PITPNC1: variants seen among roughly 807,000 people sequenced by gnomAD.
PITPNC1 encodes the protein phosphatidylinositol transfer protein cytoplasmic 1, also known as cytoplasmic phosphatidylinositol transfer protein 1.
Under a neutral mutation model 44.7 loss-of-function variants are expected in PITPNC1, and 18 were observed. The observed-to-expected ratio is 0.40, with a 90% confidence interval of 0.28 to 0.60. PITPNC1 has a LOEUF of 0.60. Among genes scored for constraint, PITPNC1 ranks in the 20% least tolerant of loss-of-function variants. PITPNC1 has a pLI of 0.39. For synonymous variants in PITPNC1, 141 were observed against 149.6 expected, an observed-to-expected ratio of 0.94 and a Z score of 0.42; for missense variants, 290 against 418.4, an observed-to-expected ratio of 0.69 and a Z score of 2.68.
intron 1 of PITPNC1, among the ~76,000 whole-genome samples, chr17:67,498,645 A>G (rs988861657): frequency 6.6e-6 from 1 of 152,184 alleles, no homozygotes; most frequent in African/African-American, 2.4e-5. Flanking sequence ...CGGCTGTGCT[A>G]CTTGACAAGC....
chr17:67,547,709 C>T (rs1282050507), intron 2 of PITPNC1, among the ~76,000 whole-genome samples: 6 of 152,064 alleles, frequency 3.9e-5, no homozygotes, highest in Admixed American at 6.6e-5. Flanking sequence ...ATTTTGTGAT[C>T]ATAGGGATCG....
chr17:67,421,441 C>G (rs1222085515), intron 1 of PITPNC1, among the ~76,000 whole-genome samples: 1 of 152,056 alleles, frequency 6.6e-6, no homozygotes, highest in Non-Finnish European at 1.5e-5. Flanking sequence ...CATCACCACG[C>G]CTGGCTAATT....
Position 67,599,020 on chromosome 17 carries a change from ATATATATATATATATTTTTT to A in PITPNC1, c.366+20765_366+20784del, listed in dbSNP as rs1417849253. Reference sequence around the variant, plus strand: ...GAAATACATATATATATATATATATATATATATATATATATTTTTTTTTTTTTTTTTTTTACCATGTTGGC... The same window carrying A: ...GAAATACATATATATATATATATATATTTTTTTTTTTTTTACCATGTTGGC... On this transcript the variant is annotated intron_variant, in intron 5 of 8. Coordinates refer to ENST00000581322, the MANE Select transcript of PITPNC1 (RefSeq NM_012417.4). Among the ~76,000 whole-genome samples the A allele has an allele frequency of 3.8e-3, 151 of 39,238 alleles. 2 individuals are homozygous for A. The highest frequency in any genetic ancestry group is 0.016 in the African/African-American group (148 of 8,992). The allele number at this position is 39,238 out of a possible 152,430, so 25.7% of individuals were successfully genotyped here.
chr17:67,630,259 A>G (rs2041948831), intron 5 of PITPNC1, among the ~76,000 whole-genome samples: 1 of 152,260 alleles, frequency 6.6e-6, no homozygotes, highest in African/African-American at 2.4e-5. Context: ...CCCTCCAGGA[A>G]TGAGCTAAAC....
At chr17:67,413,681 G>A (rs998282900) in intron 1 of PITPNC1, among the ~76,000 whole-genome samples, 1 of 152,128 alleles carries the variant, frequency 6.6e-6, no homozygotes, top group African/African-American at 2.4e-5. Flanking sequence ...AGAGATAGAT[G>A]CCTGGGAATT....
At chr17:67,486,974 A>G (rs1460811875) in intron 1 of PITPNC1, among the ~76,000 whole-genome samples, 2 of 151,700 alleles carry the variant, frequency 1.3e-5, no homozygotes, top group South Asian at 4.2e-4. Flanking sequence ...CGGAGGTTGC[A>G]GTGAGCTGAG....
At chr17:67,419,583 T>C (rs571981644) in intron 1 of PITPNC1, among the ~76,000 whole-genome samples, 22 of 152,152 alleles carry the variant, frequency 1.4e-4, no homozygotes, top group Admixed American at 9.2e-4. Flanking sequence ...TTTTCCTGAA[T>C]TACAGAATAG....
chr17:67,516,437 G>T (rs767734842), intron 1 of PITPNC1, among the ~76,000 whole-genome samples: 10 of 152,202 alleles, frequency 6.6e-5, no homozygotes, highest in Non-Finnish European at 1.3e-4. Context: ...TTGTGTTGTT[G>T]TGAGGATTAA....
chr17:67,637,429 A>G (rs12947751), intron 6 of PITPNC1, among the ~76,000 whole-genome samples: 70,968 of 151,690 alleles, frequency 0.47, 18,444 homozygotes, highest in Non-Finnish European at 0.59. Context: ...CTGTTCCTGG[A>G]TTTTTTTGAT....
At chr17:67,459,113 CTTTTTTTTTTTT>C (rs886333854) in intron 1 of PITPNC1, among the ~76,000 whole-genome samples, 2 of 95,732 alleles carry the variant, frequency 2.1e-5, no homozygotes, top group Non-Finnish European at 4.2e-5. Flanking sequence ...TTTTCTTTTT[CTTTTTTTTTTTT>C]TTTTTTTTTG....
chr17:67,443,724 C>G (rs1221871833), intron 1 of PITPNC1, among the ~76,000 whole-genome samples: 1 of 150,880 alleles, frequency 6.6e-6, no homozygotes, highest in South Asian at 2.1e-4. Context: ...AACCTCTGCC[C>G]CCAGGGTTCA....
intron 1 of PITPNC1, among the ~76,000 whole-genome samples, chr17:67,507,192 C>T (rs2040116129): frequency 1.3e-5 from 2 of 152,068 alleles, no homozygotes; most frequent in African/African-American, 4.8e-5. Flanking sequence ...ATGACTGAGT[C>T]ACTGAGCAGA....
intron 1 of PITPNC1, among the ~76,000 whole-genome samples, chr17:67,481,153 G>T (rs575615198): frequency 9.8e-4 from 150 of 152,372 alleles, no homozygotes; most frequent in Non-Finnish European, 1.3e-3. Context: ...GTTGCAGTGC[G>T]CTGAGATCGT....
chr17:67,610,759 A>G (rs2144292509), intron 5 of PITPNC1, among the ~76,000 whole-genome samples: 1 of 152,210 alleles, frequency 6.6e-6, no homozygotes, highest in African/African-American at 2.4e-5. Flanking sequence ...TATCTCTACC[A>G]AAAATACAAA....
At chr17:67,583,086 T>A (rs558706268) in intron 5 of PITPNC1, among the ~76,000 whole-genome samples, 1 of 152,186 alleles carries the variant, frequency 6.6e-6, no homozygotes, top group African/African-American at 2.4e-5. Context: ...ATTTAATGGG[T>A]CCTGGGCGCA....
rs1008364221 is a variant in PITPNC1, at chr17:67,583,985, C to T, written c.366+5728C>T. 4.6e-5 allele frequency among the ~76,000 whole-genome samples: 7 copies of T among 151,628 alleles called. No homozygotes were observed. The South Asian group carries it at 6.2e-4, about 14-fold the overall frequency. On this transcript the variant is annotated intron_variant, in intron 5 of 8. Transcript: ENST00000581322. ...CGATCTCCCGACCTCATGATCCGCC[C>T]GCCTCGGCTTCCCAAATTGCTGGGA...
chr17:67,379,457 G>C, intron 1 of PITPNC1: 3 of 749,542 alleles, frequency 4.0e-6, no homozygotes, highest in Non-Finnish European at 4.9e-6. Context: ...CGCATCACGG[G>C]GACACAGGCT....
chr17:67,504,127 C>T (rs2040071120), intron 1 of PITPNC1, among the ~76,000 whole-genome samples: 1 of 152,124 alleles, frequency 6.6e-6, no homozygotes, highest in Admixed American at 6.5e-5. Flanking sequence ...GCTTCTGCCT[C>T]ACTTCAGCAT....
rs79344431 is a variant in PITPNC1 at position 67,463,077 on chromosome 17, C to T, written c.49-69725C>T. ...AAGACTTTGGTTTGCATATTATAGA[C>T]AAATACATAAATTGTGTTTATATAG... On this transcript the variant is annotated intron_variant, in intron 1 of 8. Coordinates refer to ENST00000581322, the MANE Select transcript of PITPNC1 (RefSeq NM_012417.4). Among the ~76,000 whole-genome samples, 863 of 152,308 alleles carry T rather than the reference C, an allele frequency of 5.7e-3. 7 individuals are homozygous for T. The highest frequency in any genetic ancestry group is 0.02 in the African/African-American group (811 of 41,570).
Sources: allele counts gnomAD v4.1 joint callset (sites outside exome capture counted in the v4.1 genomes callset), GRCh38; gene constraint gnomAD v4.1.1; transcripts MANE v1.5; gene names NCBI Gene and HGNC (gene_info 2026-07-23, HGNC 2026-07-21).